The following OSBPL11 variants were observed in gnomAD, a reference collection of about 807,000 sequenced individuals.
OSBPL11 encodes the protein oxysterol binding protein like 11.
OSBPL11 carries 33 observed loss-of-function variants against 84.4 expected under a neutral mutation model. That is an observed-to-expected ratio of 0.39 (90% CI 0.30 to 0.52). OSBPL11 has a LOEUF of 0.52. Ranked by LOEUF, OSBPL11 falls within the 20% of genes least tolerant of loss-of-function variation. The probability of loss-of-function intolerance (pLI) is 0.72; values close to 1 mark genes in which losing one functional copy is unlikely to be tolerated. For synonymous variants in OSBPL11, 276 were observed against 310.2 expected, an observed-to-expected ratio of 0.89 and a Z score of 1.16; for missense variants, 736 against 901.1, an observed-to-expected ratio of 0.82 and a Z score of 2.35.
chr3:125,583,853 C>G (rs573154418), intron 1 of OSBPL11, among the ~76,000 whole-genome samples: 6 of 152,134 alleles, frequency 3.9e-5, no homozygotes, highest in African/African-American at 1.2e-4. Context: ...CGGCCCAGGT[C>G]GCAATCAAGT....
intron 1 of OSBPL11, 41 bp downstream of exon 1, chr3:125,594,596 T>C (rs1306832185): frequency 1.2e-6 from 2 of 1,600,888 alleles, no homozygotes; most frequent in East Asian, 2.2e-5. Context: ...TATTCACCCC[T>C]ACCTCCACCT....
intron 8 of OSBPL11, among the ~76,000 whole-genome samples, chr3:125,559,748 G>C (rs978518274): frequency 6.6e-6 from 1 of 151,944 alleles, no homozygotes; most frequent in Non-Finnish European, 1.5e-5. Context: ...CGTTGGTCTT[G>C]AACTTCTGAC....
At chr3:125,542,649 C>T (rs1353144394) in intron 10 of OSBPL11, among the ~76,000 whole-genome samples, 3 of 152,054 alleles carry the variant, frequency 2.0e-5, no homozygotes, top group Non-Finnish European at 4.4e-5. Context: ...GCTGGGACTA[C>T]AGGCGCCTGC....
At chr3:125,587,423 C>A (rs1306012181) in intron 1 of OSBPL11, among the ~76,000 whole-genome samples, 1 of 152,134 alleles carries the variant, frequency 6.6e-6, no homozygotes, top group Non-Finnish European at 1.5e-5. Context: ...GCTTGGTAGT[C>A]ATCAGCATAT....
intron 8 of OSBPL11, among the ~76,000 whole-genome samples, chr3:125,556,934 C>T (rs1237000966): frequency 6.6e-6 from 1 of 152,134 alleles, no homozygotes; most frequent in Non-Finnish European, 1.5e-5. Context: ...CATGGGTATT[C>T]ATTTTATCTT....
chr3:125,550,122 CCAGAA>C (rs1935878368), intron 9 of OSBPL11, among the ~76,000 whole-genome samples: 1 of 151,852 alleles, frequency 6.6e-6, no homozygotes, highest in South Asian at 2.1e-4. Flanking sequence ...AACTGTAATC[CCAGAA>C]CTTTGGGAAG....
intron 3 of OSBPL11, 49 bp from the exon 4 acceptor site, chr3:125,579,088 CAATT>C: frequency 7.7e-7 from 1 of 1,290,792 alleles, no homozygotes; most frequent in East Asian, 2.5e-5. Flanking sequence ...TTCTGGAACA[CAATT>C]AATTGCCTAC....
In OSBPL11 at chr3:125,564,657, CT is replaced by C. The variant is rs1350380765; in HGVS notation, c.869-815del. On this transcript the variant is annotated intron_variant, in intron 6 of 12. Coordinates refer to ENST00000296220, the MANE Select transcript of OSBPL11 (RefSeq NM_022776.5). ...ATGTAGGAGTAGGAAATGTATTATC[CT>C]TTTTTTTTTTTTTTGAGACAGAGTC... is the stretch of plus-strand genomic sequence containing the variant. 3.0e-3 allele frequency among the ~76,000 whole-genome samples: 417 copies of C among 140,812 alleles called. 4 individuals carry two copies. The highest frequency in any genetic ancestry group is 0.019 in the Middle Eastern group (5 of 270). 92.4% of individuals were successfully genotyped at this position (140,812 alleles called of 152,430 possible). A position where few individuals can be genotyped will look rare whatever the true frequency, so the allele number is the denominator to read the frequency against.
Position 125,530,268 on chromosome 3 carries a change from A to G in OSBPL11, c.*247T>C. The G allele has an allele frequency of 2.2e-6, 1 of 458,156 alleles. No individual in the cohort carries two copies. The highest frequency in any genetic ancestry group is 4.0e-6 in the Non-Finnish European group (1 of 252,830). The allele number at this position is 458,156 out of a possible 1,614,324, so 28.4% of individuals were successfully genotyped here. Reference sequence around the variant, plus strand: ...AACTGGATAAAAGATTCATCTACTGATTCAGGTAACAAGTTTTAAGATGGT... The same window carrying G: ...AACTGGATAAAAGATTCATCTACTGGTTCAGGTAACAAGTTTTAAGATGGT... On this transcript the variant is annotated 3_prime_UTR_variant, in exon 13 of 13. Transcript: ENST00000296220.
intron 5 of OSBPL11, among the ~76,000 whole-genome samples, chr3:125,571,194 T>G (rs1485080942): frequency 6.6e-6 from 1 of 152,198 alleles, no homozygotes; most frequent in Non-Finnish European, 1.5e-5. Context: ...GCCCTAGAGA[T>G]CTGTGAAACT....
At chr3:125,588,738 G>T (rs994559443) in intron 1 of OSBPL11, among the ~76,000 whole-genome samples, 2 of 152,104 alleles carry the variant, frequency 1.3e-5, no homozygotes, top group Non-Finnish European at 1.5e-5. Flanking sequence ...GATATTCCTC[G>T]CAACAGCTAG....
At chr3:125,556,679 G>A (rs1935995339) in intron 8 of OSBPL11, among the ~76,000 whole-genome samples, 1 of 152,210 alleles carries the variant, frequency 6.6e-6, no homozygotes, top group African/African-American at 2.4e-5. Context: ...TCTGGGAGCT[G>A]CTTTCTACAA....
Position 125,588,275 on chromosome 3 carries a change from T to C in OSBPL11, c.165-5297A>G, listed in dbSNP as rs189627142. On this transcript the variant is annotated intron_variant, in intron 1 of 12. Transcript: ENST00000296220. ...TCAGTGCTACTGATAAAGTAAGATA[T>C]GACAAAGACTGAGAAGACTCATTAG... is the stretch of plus-strand genomic sequence containing the variant. Among the ~76,000 whole-genome samples, 13 of 145,842 alleles carry C rather than the reference T, an allele frequency of 8.9e-5. 1 individual carries two copies. The East Asian group carries it at 2.4e-3, about 27-fold the overall frequency.
intron 10 of OSBPL11, among the ~76,000 whole-genome samples, chr3:125,545,631 T>C (rs548463092): frequency 3.9e-5 from 6 of 152,160 alleles, no homozygotes; most frequent in South Asian, 4.2e-4. Flanking sequence ...TGTGTGTGTG[T>C]GCGTGTGTGT....
chr3:125,552,103 C>A, intron 9 of OSBPL11, 78 bp downstream of exon 9: 2 of 860,418 alleles, frequency 2.3e-6, no homozygotes, highest in Non-Finnish European at 3.0e-6. Flanking sequence ...ACTTTCATTC[C>A]TGCTTGGAAA....
At chr3:125,553,258 C>A (rs190124428) in intron 8 of OSBPL11, among the ~76,000 whole-genome samples, 156 of 152,306 alleles carry the variant, frequency 1.0e-3, no homozygotes, top group Non-Finnish European at 1.7e-3. Flanking sequence ...GGTGTTAAAA[C>A]TCAAAGTAAA....
intron 11 of OSBPL11, among the ~76,000 whole-genome samples, chr3:125,536,132 CA>C (rs35385096): frequency 0.011 from 1,173 of 102,380 alleles, 15 homozygotes; most frequent in African/African-American, 0.029. Flanking sequence ...GAGTCCATCT[CA>C]AAAAAAAAAA....
intron 1 of OSBPL11, among the ~76,000 whole-genome samples, chr3:125,593,256 C>T (rs16836899): frequency 0.066 from 10,062 of 152,186 alleles, 421 homozygotes; most frequent in African/African-American, 0.12. Flanking sequence ...CATGCTGATT[C>T]CAAAAGCGGG....
intron 9 of OSBPL11, among the ~76,000 whole-genome samples, chr3:125,548,648 A>G (rs1935855038): frequency 6.6e-6 from 1 of 152,046 alleles, no homozygotes; most frequent in Non-Finnish European, 1.5e-5. Flanking sequence ...CTAACCTTCT[A>G]AACTCATTAC....
Sources: gnomAD v4.1 joint callset for allele counts (sites outside exome capture counted in the v4.1 genomes callset) on GRCh38, gnomAD v4.1.1 for gene constraint, MANE v1.5 for transcripts, NCBI Gene and HGNC (gene_info 2026-07-23, HGNC 2026-07-21) for gene names.